NACC2: variants seen among roughly 807,000 people sequenced by gnomAD.
The protein encoded by NACC2 is nucleus accumbens-associated protein 2.
A neutral mutation model predicts 25.1 loss-of-function variants in NACC2; 8 were observed. The observed-to-expected ratio is 0.32, with a 90% CI of 0.19 to 0.57. The LOEUF is 0.57. NACC2 is among the 20% of genes least tolerant of loss of function. NACC2 has a pLI of 0.89. For synonymous variants in NACC2, 435 were observed against 294.7 expected, an observed-to-expected ratio of 1.48 and a Z score of -4.88; for missense variants, 644 against 650.2, an observed-to-expected ratio of 0.99 and a Z score of 0.10.
intron 1 of NACC2, among the ~76,000 whole-genome samples, chr9:136,091,454 G>A (rs1664853342): frequency 6.6e-6 from 1 of 152,216 alleles, no homozygotes; most frequent in African/African-American, 2.4e-5. Context: ...GGGATGTGGT[G>A]GGGCCCCAGG....
At chr9:136,032,270 T>C (rs569968396) in intron 2 of NACC2, among the ~76,000 whole-genome samples, 1 of 152,266 alleles carries the variant, frequency 6.6e-6, no homozygotes, top group East Asian at 1.9e-4. Flanking sequence ...GTTATTTCAA[T>C]ATTTGGAAAA....
rs1840271042 is a variant in NACC2, at chr9:136,020,287, C to T, written c.887-3858G>A. Among the ~76,000 whole-genome samples, 1 of 152,176 alleles carries T rather than the reference C, an allele frequency of 6.6e-6. No individual in the cohort carries two copies. Among genetic ancestry groups the T allele is most frequent in the South Asian group, 2.1e-4 (1 of 4,822 alleles). On this transcript the variant is annotated intron_variant, in intron 2 of 5. Transcript: ENST00000277554. This position sits in a 1 kb window ranked among gnomAD's most constrained non-coding sequence, Gnocchi z 4.7. The stretch of plus-strand genomic sequence containing the variant: ...TGACTTTTCTCAACTCCCTGGGTTA[C>T]TGATTGGGTTCTGAGGTGCTCCACG...
chr9:136,048,767 G>A (rs1464211382), intron 2 of NACC2, among the ~76,000 whole-genome samples: 3 of 152,206 alleles, frequency 2.0e-5, no homozygotes, highest in African/African-American at 7.2e-5. Context: ...GGCCCCCTCT[G>A]CCCCCAACCA....
At position 136,008,700 on chromosome 9, in the gene NACC2, T is replaced by C. The variant is rs949821875; in HGVS notation, c.*2816A>G. The C allele has an allele frequency of 2.0e-5, 3 of 152,324 alleles. No individual in the cohort carries two copies. Among genetic ancestry groups the C allele is most frequent in the Non-Finnish European group, 4.4e-5 (3 of 68,108 alleles). 9.4% of individuals were successfully genotyped at this position (152,324 alleles called of 1,614,324 possible). A position where few individuals can be genotyped will look rare whatever the true frequency, so the allele number is the denominator to read the frequency against. On this transcript the variant is annotated 3_prime_UTR_variant, in exon 6 of 6. Coordinates refer to ENST00000277554, the MANE Select transcript of NACC2 (RefSeq NM_144653.5). ...GCTAAGGCACTCTGGAAGGCCCCTC[T>C]GAGCCCGGGCCGCCGCCCCCGCCCC...
chr9:136,011,876 C>G lies in NACC2; in HGVS notation c.1404G>C (p.Thr468=), dbSNP rs776020672. 19 of 1,569,416 alleles carry G rather than the reference C, an allele frequency of 1.2e-5. No individual in the cohort carries two copies. The African/African-American group carries it at 1.6e-4, about 13-fold the overall frequency. ...MLPEGVEMYR[T]VMGSAAASVP... ...CGCTGGCGGCGGCGGAGCCCATGAC[C>G]GTGCGGTACATCTCCACGCCCTCCG... is the stretch of plus-strand genomic sequence containing the variant. Residue 468 remains threonine (T), a synonymous_variant, in exon 6 of 6, where the codon ACG becomes ACC. Coordinates refer to ENST00000277554, the MANE Select transcript of NACC2 (RefSeq NM_144653.5).
chr9:136,082,708 C>T (rs940436547), intron 1 of NACC2, among the ~76,000 whole-genome samples: 9 of 152,216 alleles, frequency 5.9e-5, no homozygotes, highest in African/African-American at 1.7e-4. Flanking sequence ...CCAACAGGGG[C>T]GCAGCCCTCA....
At chr9:136,088,442 G>A (rs1830401541) in intron 1 of NACC2, among the ~76,000 whole-genome samples, 1 of 152,056 alleles carries the variant, frequency 6.6e-6, no homozygotes, top group African/African-American at 2.4e-5. Flanking sequence ...AGCTGCCCCT[G>A]AGCCCCTGGA....
Position 136,050,092 on chromosome 9 carries a change from T to C in NACC2, c.430A>G (p.Ser144Gly). The C allele has an allele frequency of 1.3e-6, 1 of 749,070 alleles. No homozygotes were observed. Among genetic ancestry groups the C allele is most frequent in the East Asian group, 2.5e-5 (1 of 40,526 alleles). 46.4% of individuals were successfully genotyped at this position (749,070 alleles called of 1,614,324 possible). The change falls in exon 2 of 6, where the codon AGC becomes GGC. Residue 144 changes from serine (S) to glycine (G), a missense_variant. By Grantham distance (56) the Ser-to-Gly change is moderately conservative. Coordinates refer to ENST00000277554, the MANE Select transcript of NACC2 (RefSeq NM_144653.5). ...VIEDAGSEPQ[S>G]PCNQLQPAAA... is the part of the protein sequence containing the mutation. ...GCCGGCTGCAGCTGGTTGCAGGGGC[T>C]CTGGGGCTCGGAGCCGGCGTCCTCG...
chr9:136,030,372 G>A (rs1462908841), intron 2 of NACC2, among the ~76,000 whole-genome samples: 1 of 152,048 alleles, frequency 6.6e-6, no homozygotes, highest in African/African-American at 2.4e-5. Flanking sequence ...CACTTTGCGA[G>A]GCCAAGGCAG....
intron 1 of NACC2, among the ~76,000 whole-genome samples, chr9:136,080,356 C>A (rs934720482): frequency 2.0e-5 from 3 of 152,196 alleles, no homozygotes; most frequent in Admixed American, 6.5e-5. Flanking sequence ...AACCCAGGTT[C>A]TAGGAAAATC....
intron 1 of NACC2, among the ~76,000 whole-genome samples, chr9:136,056,342 C>G (rs528162472): frequency 2.0e-5 from 3 of 152,300 alleles, no homozygotes; most frequent in South Asian, 2.1e-4. Flanking sequence ...GGAACTCCCC[C>G]CAACCCCGAG....
At position 136,013,072 on chromosome 9, in the gene NACC2, T is replaced by C; in HGVS notation, c.1255+127A>G. On this transcript the variant is annotated intron_variant, in intron 5 of 5. Coordinates refer to ENST00000277554, the MANE Select transcript of NACC2 (RefSeq NM_144653.5). This position sits in a 1 kb window ranked among gnomAD's most constrained non-coding sequence, Gnocchi z 6.6. ...CCTCATCTTCCCCTCAATCAGACCA[T>C]GCTCGGCCCCCAGGGACGGAAGCTG... 2 of 712,410 alleles carry C rather than the reference T, an allele frequency of 2.8e-6. No homozygotes were observed. The highest frequency in any genetic ancestry group is 2.4e-6 in the Non-Finnish European group (1 of 424,298). The allele number at this position is 712,410 out of a possible 1,614,324, so 44.1% of individuals were successfully genotyped here.
intron 2 of NACC2, among the ~76,000 whole-genome samples, chr9:136,048,697 G>A (rs1015446982): frequency 1.3e-5 from 2 of 152,380 alleles, no homozygotes; most frequent in East Asian, 3.9e-4. Context: ...TCCCGGCTGT[G>A]GTGACAGACG....
Position 136,049,881 on chromosome 9 carries a change from G to T in NACC2, c.641C>A (p.Ala214Asp). The change falls in exon 2 of 6, where the codon GCC (alanine) becomes GAC (aspartate). Residue 214 changes from alanine to aspartate, a missense_variant. Ala to Asp is a moderately radical substitution (Grantham distance 126). Coordinates refer to ENST00000277554, the MANE Select transcript of NACC2 (RefSeq NM_144653.5). ...GGAGACACGGGGCAGTTTGAGAGGG[G>T]CTGTGCCCGCCGCCACCGCAGCCCC... is the stretch of plus-strand genomic sequence containing the variant. ...AAGAAVAAGT[A>D]PLKLPRVSYY... The T allele has an allele frequency of 1.6e-6, 1 of 607,024 alleles. No homozygotes were observed. Among genetic ancestry groups the T allele is most frequent in the Non-Finnish European group, 3.0e-6 (1 of 333,510 alleles). The allele number at this position is 607,024 out of a possible 1,614,324, so 37.6% of individuals were successfully genotyped here.
At chr9:136,082,174 G>A (rs1830331026) in intron 1 of NACC2, among the ~76,000 whole-genome samples, 1 of 152,212 alleles carries the variant, frequency 6.6e-6, no homozygotes, top group Non-Finnish European at 1.5e-5. Flanking sequence ...AGAAGGGAGA[G>A]GTGGGGCTGA....
chr9:136,087,861 G>A (rs759868500), intron 1 of NACC2, among the ~76,000 whole-genome samples: 3 of 152,224 alleles, frequency 2.0e-5, no homozygotes, highest in Admixed American at 1.3e-4. Flanking sequence ...GCTGCTCGAG[G>A]GAGGGCAAGC....
At chr9:136,056,010 C>T (rs765300133) in intron 1 of NACC2, among the ~76,000 whole-genome samples, 2 of 152,196 alleles carry the variant, frequency 1.3e-5, no homozygotes, top group African/African-American at 2.4e-5. Flanking sequence ...CCCACCTCCG[C>T]GCAACGCCTT....
At chr9:136,069,789 C>T (rs913876995) in intron 1 of NACC2, among the ~76,000 whole-genome samples, 3 of 151,826 alleles carry the variant, frequency 2.0e-5, no homozygotes, top group Non-Finnish European at 4.4e-5. Context: ...TCCTAAATGT[C>T]CATGTACCAG....
Position 136,013,816 on chromosome 9 carries a change from ACCCT to A in NACC2, c.1157+44_1157+47del. The A allele has an allele frequency of 6.6e-7, 1 of 1,518,372 alleles. No individual in the cohort carries two copies. The allele number at this position is 1,518,372 out of a possible 1,614,324, so 94.1% of individuals were successfully genotyped here. ...ACAGCTCATAGCTAAAGGAGCCAGA[ACCCT>A]CCGCAGCTCCATTGTGCCCTCCAGC... On this transcript the variant is annotated intron_variant, in intron 4 of 5. Coordinates refer to ENST00000277554, the MANE Select transcript of NACC2 (RefSeq NM_144653.5). This position sits in a 1 kb window ranked among gnomAD's most constrained non-coding sequence, Gnocchi z 6.6.
Sources: gnomAD v4.1 joint callset for allele counts (sites outside exome capture counted in the v4.1 genomes callset) on GRCh38, gnomAD v4.1.1 for gene constraint, Gnocchi (gnomAD v3.1) non-coding constraint, MANE v1.5 for transcripts, NCBI Gene and HGNC (gene_info 2026-07-23, HGNC 2026-07-21) for gene names.